TENM1: variants seen among roughly 807,000 people sequenced by gnomAD.
TENM1 encodes the protein teneurin transmembrane protein 1, also known as teneurin-1.
Under a neutral mutation model 174.8 loss-of-function variants are expected in TENM1, and 35 were observed. The ratio of observed to expected loss-of-function variants is 0.20; its 90% CI spans 0.15 to 0.27. The LOEUF (loss-of-function observed/expected upper bound fraction) is 0.27, where lower values mean the gene tolerates loss of function less well. Among genes scored for constraint, TENM1 ranks in the 10% least tolerant of loss-of-function variants. The pLI, the probability that TENM1 is intolerant of heterozygous loss-of-function variation, is 1.00. For synonymous variants in TENM1, 781 were observed against 798.7 expected (o/e 0.98, Z 0.37); for missense variants, 1,633 against 2,130.1 (o/e 0.77, Z 4.59).
the TENM1 span, among the ~76,000 whole-genome samples, chrX:125,191,442 A>G: frequency 8.9e-6 from 1 of 112,003 alleles, no homozygotes; most frequent in Non-Finnish European, 1.9e-5. Context: ...GTTAATGATG[A>G]GTAATATAAA....
the TENM1 span, among the ~76,000 whole-genome samples, chrX:125,069,010 T>G: frequency 9.0e-5 from 10 of 110,955 alleles, no homozygotes; most frequent in East Asian, 2.9e-3. Flanking sequence ...CCAATAGTAG[T>G]TTTTGTTTGT....
chrX:124,442,161 G>A (rs770376730), intron 23 of TENM1, among the ~76,000 whole-genome samples: 3 of 112,470 alleles, frequency 2.7e-5, no homozygotes, highest in South Asian at 7.5e-4. Context: ...ATTATCTGGA[G>A]TGTGGCCAGA....
At chrX:124,761,022 G>A (rs1028633456) in intron 3 of TENM1, among the ~76,000 whole-genome samples, 2 of 111,658 alleles carry the variant, frequency 1.8e-5, no homozygotes, top group Non-Finnish European at 3.8e-5. Context: ...TTAGAATGGC[G>A]ATCATTAAAA....
intron 4 of TENM1, among the ~76,000 whole-genome samples, chrX:124,734,447 C>CAAAT (rs76682292): frequency 0.15 from 15,958 of 104,256 alleles, 1,279 homozygotes; most frequent in African/African-American, 0.23. Flanking sequence ...GAGACTGTCT[C>CAAAT]AAATAAATAA....
intron 11 of TENM1, among the ~76,000 whole-genome samples, chrX:124,637,467 G>A (rs966596653): frequency 2.7e-5 from 3 of 111,052 alleles, no homozygotes; most frequent in African/African-American, 6.6e-5. Context: ...TCAAGTTTGC[G>A]TCATTTTTTT....
chrX:124,629,837 C>G (rs1369441496), intron 11 of TENM1, among the ~76,000 whole-genome samples: 1 of 112,129 alleles, frequency 8.9e-6, no homozygotes, highest in Non-Finnish European at 1.9e-5. Flanking sequence ...TCTAGAGATT[C>G]AGTGGAACTG....
chrX:124,808,923 A>G (rs776915976), intron 3 of TENM1, among the ~76,000 whole-genome samples: 1 of 112,047 alleles, frequency 8.9e-6, no homozygotes, highest in Non-Finnish European at 1.9e-5. Context: ...GCCTTAAGGA[A>G]TTGGAAAAAC....
chrX:125,202,407 GCTA>G, the TENM1 span, among the ~76,000 whole-genome samples: 5 of 111,856 alleles, frequency 4.5e-5, no homozygotes, highest in African/African-American at 1.6e-4. Flanking sequence ...AAACCAAATG[GCTA>G]CTAATTTCCT....
At chrX:124,477,355 T>C (rs746663306) in intron 22 of TENM1, among the ~76,000 whole-genome samples, 1 of 112,468 alleles carries the variant, frequency 8.9e-6, no homozygotes, top group South Asian at 3.7e-4. Flanking sequence ...AAAAGGAAAC[T>C]AGACTAAAAG....
At chrX:124,611,567 C>T (rs1297963303) in intron 11 of TENM1, among the ~76,000 whole-genome samples, 2 of 111,237 alleles carry the variant, frequency 1.8e-5, no homozygotes, top group Admixed American at 1.9e-4. Flanking sequence ...AATCAGCTGC[C>T]TCCAATATAC....
At chrX:124,590,140 T>A (rs192235885) in intron 11 of TENM1, among the ~76,000 whole-genome samples, 1 of 112,108 alleles carries the variant, frequency 8.9e-6, no homozygotes, top group African/African-American at 3.2e-5. Flanking sequence ...AAATTTTTTT[T>A]AAATTTCTGC....
intron 22 of TENM1, among the ~76,000 whole-genome samples, chrX:124,475,411 G>A (rs1426761131): frequency 1.8e-5 from 2 of 111,129 alleles, no homozygotes; most frequent in Non-Finnish European, 1.9e-5. Context: ...GGCCTCCCAC[G>A]ATTTATCACT....
At chrX:125,000,010 G>C in the TENM1 span, among the ~76,000 whole-genome samples, 1 of 110,741 alleles carries the variant, frequency 9.0e-6, no homozygotes, top group Non-Finnish European at 1.9e-5. Flanking sequence ...CTGGTTATTG[G>C]ATACTTATTT....
chrX:125,122,979 A>G, the TENM1 span, among the ~76,000 whole-genome samples: 100 of 111,848 alleles, frequency 8.9e-4, no homozygotes, highest in African/African-American at 3.1e-3. Context: ...GAATGCAATT[A>G]TATCACAAGA....
At chrX:125,098,470 T>C in the TENM1 span, among the ~76,000 whole-genome samples, 1 of 111,929 alleles carries the variant, frequency 8.9e-6, no homozygotes, top group Non-Finnish European at 1.9e-5. Flanking sequence ...GCGTTTGTAG[T>C]TGGCATTTAT....
At chrX:124,982,595 C>A in the TENM1 span, among the ~76,000 whole-genome samples, 27 of 112,059 alleles carry the variant, frequency 2.4e-4, no homozygotes, top group South Asian at 8.9e-3. Flanking sequence ...TCAATAGACA[C>A]TCTCAGGAAA....
At chrX:124,425,851 G>A (rs902761666) in intron 23 of TENM1, among the ~76,000 whole-genome samples, 2 of 111,338 alleles carry the variant, frequency 1.8e-5, no homozygotes, top group African/African-American at 3.3e-5. Context: ...AGAAGGAGGC[G>A]AGATAGGAGG....
intron 11 of TENM1, among the ~76,000 whole-genome samples, chrX:124,627,221 A>T (rs998411810): frequency 2.8e-4 from 31 of 111,183 alleles, no homozygotes; most frequent in Non-Finnish European, 3.0e-4. Context: ...AGCTCCCATT[A>T]TGGATGAATT....
intron 6 of TENM1, among the ~76,000 whole-genome samples, chrX:124,665,019 T>G (rs917691525): frequency 4.5e-5 from 5 of 111,772 alleles, no homozygotes; most frequent in African/African-American, 1.6e-4. Flanking sequence ...GTAACTTTCT[T>G]GTGTTTTCCT....
Sources: gnomAD v4.1 joint callset for allele counts (sites outside exome capture counted in the v4.1 genomes callset) on GRCh38, gnomAD v4.1.1 for gene constraint, MANE v1.5 for transcripts, NCBI Gene and HGNC (gene_info 2026-07-23, HGNC 2026-07-21) for gene names.